Variants in GALNTL6 observed in about 807,000 individuals in gnomAD.
GALNTL6 encodes polypeptide N-acetylgalactosaminyltransferase-like 6.
A neutral mutation model predicts 73.7 loss-of-function variants in GALNTL6; 46 were observed. The ratio of observed to expected loss-of-function variants is 0.62; its 90% CI spans 0.49 to 0.80. GALNTL6 has a LOEUF of 0.80. Among genes scored for constraint, GALNTL6 ranks in the 30% least tolerant of loss-of-function variants. The pLI is 0.00. For synonymous variants in GALNTL6, 259 were observed against 263.7 expected, an observed-to-expected ratio of 0.98 and a Z score of 0.17; for missense variants, 604 against 755.0, an observed-to-expected ratio of 0.80 and a Z score of 2.34.
chr4:172,339,256 ACCACACACACACACAC>A (rs1741461641), intron 4 of GALNTL6, among the ~76,000 whole-genome samples: 2 of 95,178 alleles, frequency 2.1e-5, no homozygotes, highest in South Asian at 3.3e-4. Flanking sequence ...ACACACACAC[ACCACACACACACACAC>A]ACACACACAC....
chr4:172,337,319 A>G (rs367993913), intron 4 of GALNTL6, among the ~76,000 whole-genome samples: 9 of 152,096 alleles, frequency 5.9e-5, no homozygotes, highest in East Asian at 5.8e-4. Flanking sequence ...TTTTAATTCT[A>G]TTGTGAAGTT....
intron 2 of GALNTL6, among the ~76,000 whole-genome samples, chr4:172,167,963 C>A: frequency 1.0e-5 from 1 of 98,926 alleles, no homozygotes. Flanking sequence ...GAGACTCCGT[C>A]TCAAAAAAAA....
At chr4:172,790,685 G>A (rs1450907338) in intron 5 of GALNTL6, among the ~76,000 whole-genome samples, 1 of 152,094 alleles carries the variant, frequency 6.6e-6, no homozygotes, top group African/African-American at 2.4e-5. Flanking sequence ...GAGGTCAGGA[G>A]TTCAAGACCA....
At chr4:172,296,013 G>GA (rs1447676079) in intron 3 of GALNTL6, among the ~76,000 whole-genome samples, 1 of 151,958 alleles carries the variant, frequency 6.6e-6, no homozygotes, top group Non-Finnish European at 1.5e-5. Flanking sequence ...GGGTCCAGTT[G>GA]AATAGAAGTA....
At chr4:172,739,683 A>G (rs879857018) in intron 5 of GALNTL6, among the ~76,000 whole-genome samples, 1 of 152,204 alleles carries the variant, frequency 6.6e-6, no homozygotes, top group Non-Finnish European at 1.5e-5. Context: ...AATCCATTTT[A>G]GATCTGCCAT....
In GALNTL6 at chr4:173,036,671, T is replaced by C. The variant is rs72708788; in HGVS notation, c.1639-3262T>C. On this transcript the variant is annotated intron_variant, in intron 12 of 12. Transcript: ENST00000506823. The stretch of plus-strand genomic sequence containing the variant: ...GAAAAGTGGGAGGAGTAAAGGGAAA[T>C]GCACTGCTGGATTACACTGTGAATA... Among the ~76,000 whole-genome samples the C allele has an allele frequency of 7.3e-3, 1,112 of 152,186 alleles. 9 individuals carry two copies. The highest frequency in any genetic ancestry group is 0.017 in the Middle Eastern group (5 of 294).
intron 5 of GALNTL6, among the ~76,000 whole-genome samples, chr4:172,631,600 A>G (rs1739399112): frequency 6.6e-6 from 1 of 152,244 alleles, no homozygotes; most frequent in African/African-American, 2.4e-5. Context: ...AAGAACAAAC[A>G]GTATCTATTC....
chr4:172,450,182 A>C (rs1282338507), intron 5 of GALNTL6, among the ~76,000 whole-genome samples: 1 of 150,080 alleles, frequency 6.7e-6, no homozygotes, highest in African/African-American at 2.5e-5. Context: ...ACGTCGCTGC[A>C]CTCCAGCCTG....
chr4:171,987,025 A>T (rs1035762148), intron 2 of GALNTL6, among the ~76,000 whole-genome samples: 6 of 23,312 alleles, frequency 2.6e-4, no homozygotes, highest in African/African-American at 6.4e-4. Context: ...AGAACATAGT[A>T]GGGATGACAA....
Position 172,525,920 on chromosome 4 carries a change from A to G in GALNTL6, c.553+177231A>G, listed in dbSNP as rs143573628. On this transcript the variant is annotated intron_variant, in intron 5 of 12. Coordinates refer to ENST00000506823, the MANE Select transcript of GALNTL6 (RefSeq NM_001034845.3). ...TTTGAGATTTACTGGTTATATAACC[A>G]TGCCACCTATGAATAATGAAAATAT... Among the ~76,000 whole-genome samples the G allele has an allele frequency of 8.4e-3, 1,273 of 152,312 alleles. 10 individuals are homozygous for G. The highest frequency in any genetic ancestry group is 0.029 in the African/African-American group (1,205 of 41,574).
At chr4:172,031,668 G>A (rs1288238363) in intron 2 of GALNTL6, among the ~76,000 whole-genome samples, 3 of 151,984 alleles carry the variant, frequency 2.0e-5, no homozygotes, top group Admixed American at 6.6e-5. Flanking sequence ...TCTGCCATTC[G>A]ATAGGCAGCC....
chr4:172,420,610 A>G (rs1480438874), intron 5 of GALNTL6, among the ~76,000 whole-genome samples: 12 of 152,182 alleles, frequency 7.9e-5, no homozygotes, highest in Non-Finnish European at 1.8e-4. Context: ...CATGTACTCT[A>G]CATCCAAAAC....
At chr4:172,637,734 T>C (rs1739763176) in intron 5 of GALNTL6, among the ~76,000 whole-genome samples, 2 of 152,136 alleles carry the variant, frequency 1.3e-5, no homozygotes, top group South Asian at 4.1e-4. Context: ...AAATAACTTA[T>C]TGGGTAAAGT....
intron 7 of GALNTL6, among the ~76,000 whole-genome samples, chr4:172,852,600 G>T (rs1394911114): frequency 6.6e-6 from 1 of 152,068 alleles, no homozygotes; most frequent in Admixed American, 6.6e-5. Flanking sequence ...GTTTATTCGG[G>T]GTAAGGGAGA....
chr4:172,518,251 G>A (rs1232257147), intron 5 of GALNTL6, among the ~76,000 whole-genome samples: 1 of 151,786 alleles, frequency 6.6e-6, no homozygotes, highest in Non-Finnish European at 1.5e-5. Flanking sequence ...AATTTTGGGG[G>A]AAATGTTTGA....
intron 2 of GALNTL6, among the ~76,000 whole-genome samples, chr4:172,072,802 T>G (rs1731582927): frequency 6.6e-6 from 1 of 152,208 alleles, no homozygotes; most frequent in African/African-American, 2.4e-5. Context: ...TGACTACCAA[T>G]AGCCTTCTAA....
At chr4:172,466,057 T>C (rs1732804139) in intron 5 of GALNTL6, among the ~76,000 whole-genome samples, 1 of 152,168 alleles carries the variant, frequency 6.6e-6, no homozygotes, top group Admixed American at 6.5e-5. Flanking sequence ...TTCAACAAAA[T>C]GAGATTATGT....
chr4:172,621,301 C>T (rs1047484529), intron 5 of GALNTL6, among the ~76,000 whole-genome samples: 3 of 152,146 alleles, frequency 2.0e-5, no homozygotes, highest in Non-Finnish European at 4.4e-5. Context: ...GCAATAATCC[C>T]ATCTCAGCCT....
intron 5 of GALNTL6, among the ~76,000 whole-genome samples, chr4:172,782,126 G>T (rs1739399641): frequency 6.6e-6 from 1 of 151,842 alleles, no homozygotes; most frequent in Non-Finnish European, 1.5e-5. Context: ...CTCATTTGTT[G>T]ACCCACCTTG....
Sources: gnomAD v4.1 joint callset for allele counts (sites outside exome capture counted in the v4.1 genomes callset) on GRCh38, gnomAD v4.1.1 for gene constraint, MANE v1.5 for transcripts, NCBI Gene and HGNC (gene_info 2026-07-23, HGNC 2026-07-21) for gene names.